RYR2: variants seen among roughly 807,000 people sequenced by gnomAD.
The protein encoded by RYR2 is ryanodine receptor 2, also known as cardiac muscle ryanodine receptor-calcium release channel.
Under a neutral mutation model 601.1 loss-of-function variants are expected in RYR2, and 227 were observed. That is an observed-to-expected ratio of 0.38 (90% CI 0.34 to 0.42). The LOEUF is 0.42. Among genes scored for constraint, RYR2 ranks in the 10% least tolerant of loss-of-function variants. RYR2 has a pLI of 1.00. For missense variants in RYR2, 4,646 were observed against 6,156.5 expected (o/e 0.75, Z 8.21); for synonymous variants, 2,223 against 2,175.1 (o/e 1.02, Z -0.61).
At chr1:237,090,856 G>T (rs916315436) in intron 1 of RYR2, among the ~76,000 whole-genome samples, 2 of 152,168 alleles carry the variant, frequency 1.3e-5, no homozygotes, top group Non-Finnish European at 2.9e-5. Flanking sequence ...TTGAGAAGAA[G>T]GTTGGCATGA....
chr1:237,316,957 C>T (rs1390828784), intron 2 of RYR2, among the ~76,000 whole-genome samples: 2 of 152,022 alleles, frequency 1.3e-5, no homozygotes, highest in Non-Finnish European at 1.5e-5. Context: ...GAAGGGGGTT[C>T]GTGTGGGTCA....
At chr1:237,749,125 G>A (rs1692332418) in intron 80 of RYR2, among the ~76,000 whole-genome samples, 1 of 152,300 alleles carries the variant, frequency 6.6e-6, no homozygotes, top group East Asian at 1.9e-4. Context: ...CACTTTTCAT[G>A]TGCACAGTAA....
chr1:237,669,281 T>C (rs1464690011), intron 58 of RYR2, among the ~76,000 whole-genome samples: 2 of 152,166 alleles, frequency 1.3e-5, no homozygotes, highest in Non-Finnish European at 2.9e-5. Context: ...TACTTCTTTC[T>C]ACACAGACAC....
At chr1:237,141,900 G>A (rs149862408) in intron 1 of RYR2, among the ~76,000 whole-genome samples, 145 of 152,300 alleles carry the variant, frequency 9.5e-4, no homozygotes, top group African/African-American at 3.1e-3. Flanking sequence ...ATGCCCTTAA[G>A]TAACCTGATG....
In RYR2 at chr1:237,503,439, C is replaced by A. The variant is rs780283100; in HGVS notation, c.2547C>A (p.Asp849Glu). The A allele has an allele frequency of 6.2e-7, 1 of 1,613,972 alleles. No individual in the cohort carries two copies. Among genetic ancestry groups the A allele is most frequent in the South Asian group, 1.1e-5 (1 of 91,086 alleles). ...AGCAAGAAAGAACTTACACACGCGA[C>A]CTGCTGGGCCCCACAGTTTCCCTGA... ...EYKQERTYTR[D>E]LLGPTVSLTQ... The change falls in exon 22 of 105, where the codon GAC (aspartate) becomes GAA (glutamate). Residue 849 changes from aspartate to glutamate, a missense_variant. Around this residue, in one of 17 missense-constraint regions of RYR2, gnomAD observed 1,807 missense variants for 2,088.1 expected, o/e 0.87. Coordinates refer to ENST00000366574, the MANE Select transcript of RYR2 (RefSeq NM_001035.3).
At chr1:237,083,452 G>C (rs1487476197) in intron 1 of RYR2, among the ~76,000 whole-genome samples, 1 of 152,086 alleles carries the variant, frequency 6.6e-6, no homozygotes, top group East Asian at 1.9e-4. Flanking sequence ...AAACATGGGA[G>C]GGCTAAGCTC....
chr1:237,631,838 C>T (rs368577726), intron 42 of RYR2, among the ~76,000 whole-genome samples: 14 of 147,878 alleles, frequency 9.5e-5, no homozygotes, highest in Admixed American at 1.4e-4. Flanking sequence ...CTGTGTTAGC[C>T]AGGATGGTCT....
At chr1:237,826,920 C>G (rs1176779013) in intron 101 of RYR2, among the ~76,000 whole-genome samples, 1 of 152,190 alleles carries the variant, frequency 6.6e-6, no homozygotes, top group Non-Finnish European at 1.5e-5. Context: ...TGCATCCAGA[C>G]CCCTTCAACC....
chr1:237,193,105 G>A (rs1375316345), intron 1 of RYR2, among the ~76,000 whole-genome samples: 3 of 128,586 alleles, frequency 2.3e-5, no homozygotes, highest in East Asian at 2.5e-4. Flanking sequence ...GGCGGATCAC[G>A]AGGTCAGGAG....
chr1:237,130,409 TC>T (rs1672034799), intron 1 of RYR2, among the ~76,000 whole-genome samples: 1 of 152,088 alleles, frequency 6.6e-6, no homozygotes, highest in South Asian at 2.1e-4. Flanking sequence ...GGGCCTTATG[TC>T]CCCTTAAAAA....
intron 1 of RYR2, among the ~76,000 whole-genome samples, chr1:237,257,256 C>T (rs1443452555): frequency 6.6e-6 from 1 of 152,164 alleles, no homozygotes; most frequent in East Asian, 1.9e-4. Flanking sequence ...ATGGCTTACT[C>T]TTACAATGGC....
At chr1:237,073,777 A>C (rs1048373329) in intron 1 of RYR2, among the ~76,000 whole-genome samples, 3 of 149,514 alleles carry the variant, frequency 2.0e-5, no homozygotes, top group Non-Finnish European at 4.4e-5. Flanking sequence ...AGGCTGAGGC[A>C]TGAGAATCGC....
At chr1:237,433,982 T>C (rs1055117884) in intron 12 of RYR2, among the ~76,000 whole-genome samples, 6 of 152,218 alleles carry the variant, frequency 3.9e-5, no homozygotes, top group African/African-American at 1.4e-4. Flanking sequence ...GATTTATTAC[T>C]GATGGAAAAT....
Position 237,353,035 on chromosome 1 carries a change from G to T in RYR2, c.274-2930G>T, listed in dbSNP as rs191828240. On this transcript the variant is annotated intron_variant, in intron 3 of 104. Coordinates refer to ENST00000366574, the MANE Select transcript of RYR2 (RefSeq NM_001035.3). ...TTATTTTGTTGTTGAAGATTTGCGT[G>T]TGATACATTTATATGTCATTTGTTT... Among the ~76,000 whole-genome samples, 382 of 152,250 alleles carry T rather than the reference G, an allele frequency of 2.5e-3. 1 individual carries two copies. The highest frequency in any genetic ancestry group is 4.0e-3 in the Non-Finnish European group (274 of 68,010).
chr1:237,152,377 G>A (rs555999643), intron 1 of RYR2, among the ~76,000 whole-genome samples: 1 of 152,304 alleles, frequency 6.6e-6, no homozygotes, highest in African/African-American at 2.4e-5. Context: ...CCAGTAATGG[G>A]ATGGCTGGGT....
At position 237,801,908 on chromosome 1, in the gene RYR2, A is replaced by T; in HGVS notation, c.14143A>T (p.Thr4715Ser). Residue 4715 changes from threonine to serine, a missense_variant, in exon 98 of 105, where the codon ACT (threonine) becomes TCT (serine). By Grantham distance (58) the Thr-to-Ser change is moderately conservative. This residue lies in a region of RYR2 where 76 missense variants were observed against 97.4 expected (regional missense o/e 0.78). Transcript: ENST00000366574. Reference protein sequence around the residue: ...YQMWKLGVVFTDNSFLYLAWY... With the variant: ...YQMWKLGVVFSDNSFLYLAWY... Reference sequence around the variant, plus strand: ...GATGTGGAAACTAGGAGTCGTTTTCACTGACAACGTAAGCCTACTTCATTA... The same window carrying T: ...GATGTGGAAACTAGGAGTCGTTTTCTCTGACAACGTAAGCCTACTTCATTA... 6.3e-7 allele frequency: 1 copy of T among 1,596,170 alleles called. No individual in the cohort carries two copies. Among genetic ancestry groups the T allele is most frequent in the East Asian group, 2.2e-5 (1 of 44,758 alleles).
At chr1:237,355,139 A>T (rs902969679) in intron 3 of RYR2, among the ~76,000 whole-genome samples, 4 of 152,172 alleles carry the variant, frequency 2.6e-5, no homozygotes, top group African/African-American at 7.2e-5. Flanking sequence ...ATAAACTTTC[A>T]TACATGAAGG....
chr1:237,086,735 C>T (rs928710501), intron 1 of RYR2, among the ~76,000 whole-genome samples: 21 of 152,030 alleles, frequency 1.4e-4, no homozygotes, highest in African/African-American at 4.1e-4. Context: ...CTTTACTTCG[C>T]GATGCTGGAA....
intron 1 of RYR2, among the ~76,000 whole-genome samples, chr1:237,046,357 C>T (rs1660602758): frequency 6.6e-6 from 1 of 152,094 alleles, no homozygotes; most frequent in African/African-American, 2.4e-5. Flanking sequence ...ATCTGCTGTT[C>T]AAGTATGTTT....
Sources: gnomAD v4.1 joint callset for allele counts (sites outside exome capture counted in the v4.1 genomes callset) on GRCh38, gnomAD v4.1.1 for gene constraint, gnomAD v4.1.1 regional missense constraint, MANE v1.5 for transcripts, NCBI Gene and HGNC (gene_info 2026-07-23, HGNC 2026-07-21) for gene names.